RPH3A: variants seen among roughly 807,000 people sequenced by gnomAD.
The protein encoded by RPH3A is rabphilin 3A.
A neutral mutation model predicts 102.2 loss-of-function variants in RPH3A; 48 were observed. The ratio of observed to expected loss-of-function variants is 0.47; its 90% CI spans 0.37 to 0.60. RPH3A has a LOEUF of 0.60. Ranked by LOEUF, RPH3A falls within the 20% of genes least tolerant of loss-of-function variation. The probability of loss-of-function intolerance (pLI) is 0.00; values close to 1 mark genes in which losing one functional copy is unlikely to be tolerated. For missense variants in RPH3A, 781 were observed against 910.1 expected (o/e 0.86, Z 1.83); for synonymous variants, 310 against 324.3 (o/e 0.96, Z 0.47).
intron 1 of RPH3A, among the ~76,000 whole-genome samples, chr12:112,717,332 T>A (rs532586286): frequency 6.6e-5 from 10 of 152,300 alleles, no homozygotes; most frequent in African/African-American, 2.4e-4. Flanking sequence ...CCTCAACCTC[T>A]GGCAACCGTT....
chr12:112,856,151 T>C (rs1328194137), intron 5 of RPH3A, among the ~76,000 whole-genome samples: 1 of 152,202 alleles, frequency 6.6e-6, no homozygotes, highest in Non-Finnish European at 1.5e-5. Flanking sequence ...GCAAGCAGGG[T>C]GCAGGGTGTC....
intron 1 of RPH3A, among the ~76,000 whole-genome samples, chr12:112,711,339 G>A (rs2040460101): frequency 6.6e-6 from 1 of 151,872 alleles, no homozygotes; most frequent in African/African-American, 2.4e-5. Flanking sequence ...GCAATCCTGG[G>A]CCTCCCTCCT....
intron 5 of RPH3A, among the ~76,000 whole-genome samples, chr12:112,862,279 C>T (rs1283761699): frequency 7.2e-5 from 11 of 152,030 alleles, no homozygotes; most frequent in Admixed American, 7.2e-4. Flanking sequence ...GTTGTGCATG[C>T]CTGTAGTCCC....
At chr12:112,643,442 A>C (rs1485330287) in intron 1 of RPH3A, among the ~76,000 whole-genome samples, 1 of 152,254 alleles carries the variant, frequency 6.6e-6, no homozygotes, top group Non-Finnish European at 1.5e-5. Flanking sequence ...TTCGTGTTGC[A>C]TTTCAATAGA....
chr12:112,636,479 G>T (rs1411223322), intron 1 of RPH3A, among the ~76,000 whole-genome samples: 3 of 152,130 alleles, frequency 2.0e-5, no homozygotes, highest in Admixed American at 6.5e-5. Context: ...GGCATTTTTG[G>T]TCTTCATGAT....
At chr12:112,896,589 T>A in intron 21 of RPH3A, 61 bp from the exon 22 acceptor site, 1 of 1,595,764 alleles carries the variant, frequency 6.3e-7, no homozygotes, top group Non-Finnish European at 8.6e-7. Context: ...CAACTACACA[T>A]TTGGGTCTAG....
intron 1 of RPH3A, among the ~76,000 whole-genome samples, chr12:112,744,928 G>T (rs1187241533): frequency 6.6e-6 from 1 of 152,164 alleles, no homozygotes; most frequent in Non-Finnish European, 1.5e-5. Context: ...TTCAAAAGCA[G>T]GGAATTTACC....
chr12:112,896,011 A>C, intron 21 of RPH3A, 138 bp downstream of exon 21: 2 of 629,312 alleles, frequency 3.2e-6, no homozygotes, highest in South Asian at 2.0e-5. Context: ...ATTGAGACCC[A>C]TGATCTTGAC....
intron 1 of RPH3A, among the ~76,000 whole-genome samples, chr12:112,588,402 G>A (rs982580086): frequency 1.3e-5 from 2 of 150,386 alleles, no homozygotes; most frequent in African/African-American, 4.9e-5. Flanking sequence ...GAAAGTGCGT[G>A]CAGGGGAACA....
At chr12:112,600,276 C>A (rs2039548555) in intron 1 of RPH3A, among the ~76,000 whole-genome samples, 1 of 152,092 alleles carries the variant, frequency 6.6e-6, no homozygotes, top group Non-Finnish European at 1.5e-5. Context: ...AGGTGCTCTC[C>A]CCAGGTTGTG....
At chr12:112,628,113 C>T (rs233702) in intron 1 of RPH3A, among the ~76,000 whole-genome samples, 80,093 of 151,690 alleles carry the variant, frequency 0.53, 24,515 homozygotes, top group African/African-American at 0.83. Context: ...CAGGCCCCCC[C>T]TCCAACAATG....
chr12:112,861,865 T>A (rs984061959), intron 5 of RPH3A, among the ~76,000 whole-genome samples: 13 of 151,714 alleles, frequency 8.6e-5, no homozygotes, highest in African/African-American at 3.1e-4. Flanking sequence ...TACAAAAAAT[T>A]AGCCAGGCGC....
At position 112,898,244 on chromosome 12, in the gene RPH3A, C is replaced by T. The variant is rs910958904; in HGVS notation, c.*1464C>T. 2 of 152,196 alleles carry T rather than the reference C, an allele frequency of 1.3e-5. No individual in the cohort carries two copies. The highest frequency in any genetic ancestry group is 2.4e-5 in the African/African-American group (1 of 41,438). The allele number at this position is 152,196 out of a possible 1,614,324, so 9.4% of individuals were successfully genotyped here. On this transcript the variant is annotated 3_prime_UTR_variant, in exon 22 of 22. Coordinates refer to ENST00000389385, the MANE Select transcript of RPH3A (RefSeq NM_001143854.2). The stretch of plus-strand genomic sequence containing the variant: ...AATTATTTTATAAAGGAGGAAAAGG[C>T]AATGTGGGCAAACATTACAAATTTG...
At chr12:112,889,616 G>A (rs2043058487) in intron 17 of RPH3A, among the ~76,000 whole-genome samples, 1 of 152,164 alleles carries the variant, frequency 6.6e-6, no homozygotes, top group South Asian at 2.1e-4. Context: ...GGGCCCCAGG[G>A]GCCATGAAGG....
At position 112,791,901 on chromosome 12, in the gene RPH3A, A is replaced by AGAGAGAGAGAGAGAGAGACT. The variant is rs1565882471; in HGVS notation, c.-247_-246insGAGAGAGAGAGAGACTGAGA. The AGAGAGAGAGAGAGAGAGACT allele has an allele frequency of 2.0e-5, 3 of 150,930 alleles. No homozygotes were observed. Among genetic ancestry groups the AGAGAGAGAGAGAGAGAGACT allele is most frequent in the African/African-American group, 7.4e-5 (3 of 40,656 alleles). The allele number at this position is 150,930 out of a possible 1,614,324, so 9.3% of individuals were successfully genotyped here. A position where few individuals can be genotyped will look rare whatever the true frequency, so the allele number is the denominator to read the frequency against. ...GAGAGAGAGAGAGAGAGAGAGAGAG[A>AGAGAGAGAGAGAGAGAGACT]GAGACTCACAGAGCTAAAACCTTCA... On this transcript the variant is annotated 5_prime_UTR_variant, in exon 1 of 22. Coordinates refer to ENST00000389385, the MANE Select transcript of RPH3A (RefSeq NM_001143854.2).
At chr12:112,678,370 GGAAA>G (rs962917816) in intron 1 of RPH3A, among the ~76,000 whole-genome samples, 4 of 147,536 alleles carry the variant, frequency 2.7e-5, no homozygotes, top group East Asian at 4.0e-4. Context: ...AGGAAGGAAG[GGAAA>G]GAAAGAAAGA....
intron 4 of RPH3A, among the ~76,000 whole-genome samples, chr12:112,844,235 A>G (rs1243883503): frequency 6.6e-6 from 1 of 152,164 alleles, no homozygotes; most frequent in Non-Finnish European, 1.5e-5. Context: ...GGATCACATT[A>G]TGTTATATAA....
intron 1 of RPH3A, among the ~76,000 whole-genome samples, chr12:112,638,310 A>G (rs2039862264): frequency 6.6e-6 from 1 of 152,142 alleles, no homozygotes; most frequent in Admixed American, 6.5e-5. Flanking sequence ...CTTTTTCTTT[A>G]TAAATTACCC....
At chr12:112,709,073 T>G (rs961645059) in intron 1 of RPH3A, among the ~76,000 whole-genome samples, 61 of 152,188 alleles carry the variant, frequency 4.0e-4, no homozygotes, top group African/African-American at 1.4e-3. Context: ...TCTTACTCTC[T>G]TAAAATGCAG....
Sources: allele counts gnomAD v4.1 joint callset (sites outside exome capture counted in the v4.1 genomes callset), GRCh38; gene constraint gnomAD v4.1.1; transcripts MANE v1.5; gene names NCBI Gene and HGNC (gene_info 2026-07-23, HGNC 2026-07-21).